The following COPG2 variants were observed in gnomAD, a reference collection of about 807,000 sequenced individuals.
COPG2 encodes the protein coat protein complex I subunit gamma 2.
In COPG2, 37 loss-of-function variants were observed where a neutral mutation model predicts 46.3. The observed-to-expected ratio is 0.80, with a 90% CI of 0.61 to 1.05. The LOEUF (loss-of-function observed/expected upper bound fraction) is 1.05. Ranked by LOEUF, COPG2 falls within the 50% of genes least tolerant of loss-of-function variation. The probability of loss-of-function intolerance (pLI) is 0.00; values close to 1 mark genes in which losing one functional copy is unlikely to be tolerated. For synonymous variants in COPG2, 159 were observed against 129.7 expected (o/e 1.23, Z -1.53); for missense variants, 427 against 387.8 (o/e 1.10, Z -0.85).
intron 20 of COPG2, among the ~76,000 whole-genome samples, chr7:130,521,792 A>G (rs1799726221): frequency 6.6e-6 from 1 of 152,254 alleles, no homozygotes; most frequent in Admixed American, 6.5e-5. Flanking sequence ...GGTCAGAAGA[A>G]CAAGAGCATA....
chr7:130,531,309 C>A (rs1799822934), intron 20 of COPG2, among the ~76,000 whole-genome samples: 1 of 151,954 alleles, frequency 6.6e-6, no homozygotes, highest in African/African-American at 2.4e-5. Context: ...CTAGGGAAGA[C>A]CCTGAATCCA....
At chr7:130,651,387 G>A (rs1225487434) in intron 5 of COPG2, among the ~76,000 whole-genome samples, 2 of 151,054 alleles carry the variant, frequency 1.3e-5, no homozygotes, top group Admixed American at 1.3e-4. Flanking sequence ...CACGATCTCG[G>A]CTCACCGCAA....
At chr7:130,620,467 A>T (rs548931730) in intron 5 of COPG2, among the ~76,000 whole-genome samples, 3 of 152,326 alleles carry the variant, frequency 2.0e-5, no homozygotes, top group African/African-American at 7.2e-5. Flanking sequence ...TGCCACAGGG[A>T]CTATTCCCAA....
chr7:130,516,992 G>A (rs1482468899), intron 20 of COPG2, among the ~76,000 whole-genome samples: 3 of 152,104 alleles, frequency 2.0e-5, no homozygotes, highest in Non-Finnish European at 4.4e-5. Context: ...CCATGGGGAG[G>A]GGAGTATCCA....
intron 9 of COPG2, among the ~76,000 whole-genome samples, chr7:130,569,688 T>A (rs1793862210): frequency 6.6e-6 from 1 of 152,042 alleles, no homozygotes; most frequent in South Asian, 2.1e-4. Context: ...AAAGAGTGAA[T>A]CCTCCTTAAA....
At chr7:130,565,674 A>G (rs1431915798) in intron 9 of COPG2, among the ~76,000 whole-genome samples, 1 of 152,238 alleles carries the variant, frequency 6.6e-6, no homozygotes, top group Non-Finnish European at 1.5e-5. Flanking sequence ...AAAGGAAACT[A>G]AAATATTTAA....
At chr7:130,532,575 G>T (rs970187211) in intron 20 of COPG2, among the ~76,000 whole-genome samples, 4 of 152,108 alleles carry the variant, frequency 2.6e-5, no homozygotes, top group African/African-American at 4.8e-5. Context: ...GGAGGAGGGT[G>T]GGGGGAGATA....
intron 9 of COPG2, among the ~76,000 whole-genome samples, chr7:130,566,975 A>G (rs994546727): frequency 9.7e-4 from 147 of 152,324 alleles, no homozygotes; most frequent in African/African-American, 3.2e-3. Flanking sequence ...ACACAATAGC[A>G]AAGACATGGA....
At chr7:130,547,335 C>T (rs1257281924) in intron 20 of COPG2, 2 of 209,042 alleles carry the variant, frequency 9.6e-6, no homozygotes, top group East Asian at 2.0e-4. Flanking sequence ...AGATTCTTCA[C>T]AGGAGACCAG....
rs1204582245 is a variant in COPG2 at position 130,551,331 on chromosome 7, T to TATCC, written c.1554_1557dup (p.Thr520GlyfsTer3). The TATCC allele has an allele frequency of 5.0e-6, 2 of 398,430 alleles. No individual in the cohort carries two copies. The highest frequency in any genetic ancestry group is 8.8e-6 in the Non-Finnish European group (2 of 226,016). The allele number at this position is 398,430 out of a possible 1,614,324, so 24.7% of individuals were successfully genotyped here. ...GCTCTGTCTCGTACCTCGTCATCAG[T>TATCC]ATCCATCATACACCTGTCCAGGGGA... On this transcript the variant is annotated frameshift_variant, in exon 16 of 24. Coordinates refer to ENST00000425248, the MANE Select transcript of COPG2 (RefSeq NM_012133.6). LOFTEE classifies it high-confidence loss of function.
chr7:130,629,338 CCATT>C (rs782130624), intron 5 of COPG2, among the ~76,000 whole-genome samples: 32 of 151,504 alleles, frequency 2.1e-4, no homozygotes, highest in Non-Finnish European at 3.8e-4. Flanking sequence ...AAAAAAATGG[CCATT>C]ATTACCTCAA....
At chr7:130,629,009 A>C (rs1228372409) in intron 5 of COPG2, among the ~76,000 whole-genome samples, 3 of 152,342 alleles carry the variant, frequency 2.0e-5, no homozygotes, top group African/African-American at 7.2e-5. Flanking sequence ...TGGACAACAG[A>C]GCAAGATGCT....
intron 20 of COPG2, among the ~76,000 whole-genome samples, chr7:130,535,573 C>A (rs1799870467): frequency 7.5e-6 from 1 of 133,880 alleles, no homozygotes; most frequent in Non-Finnish European, 1.5e-5. Context: ...AAGCCTTGAA[C>A]TTTGTTGCAC....
intron 5 of COPG2, among the ~76,000 whole-genome samples, chr7:130,647,416 C>CA (rs1396630047): frequency 2.6e-5 from 4 of 152,160 alleles, no homozygotes; most frequent in African/African-American, 9.7e-5. Context: ...ACATTTCCCA[C>CA]AAACTTTTTG....
chr7:130,563,428 G>A, intron 10 of COPG2, 92 bp from the exon 11 acceptor site: 1 of 383,350 alleles, frequency 2.6e-6, no homozygotes. Context: ...CTATAGAAAA[G>A]TTGAAGAAGT....
chr7:130,586,518 A>G (rs1395710978), intron 9 of COPG2, among the ~76,000 whole-genome samples: 4 of 152,082 alleles, frequency 2.6e-5, no homozygotes, highest in African/African-American at 9.6e-5. Context: ...GCAGGAATGC[A>G]GTGGCGCTAT....
At chr7:130,520,543 C>G (rs1799715650) in intron 20 of COPG2, among the ~76,000 whole-genome samples, 2 of 152,350 alleles carry the variant, frequency 1.3e-5, no homozygotes, top group South Asian at 4.1e-4. Context: ...CTTAGAAAAT[C>G]TGGTGCAGTG....
At chr7:130,548,659 T>C (rs1358056905) in intron 18 of COPG2, 117 bp from the exon 19 acceptor site, 2 of 387,342 alleles carry the variant, frequency 5.2e-6, no homozygotes, top group African/African-American at 2.1e-5. Context: ...TCCCAGCACT[T>C]TGGGAGGCCG....
intron 22 of COPG2, 155 bp from the exon 23 acceptor site, chr7:130,507,527 G>C: frequency 1.5e-6 from 1 of 666,074 alleles, no homozygotes; most frequent in South Asian, 1.8e-5. Flanking sequence ...ACTAGAAAAT[G>C]GCTGATCAAT....
Sources: allele counts gnomAD v4.1 joint callset (sites outside exome capture counted in the v4.1 genomes callset), GRCh38; gene constraint gnomAD v4.1.1; transcripts MANE v1.5; gene names NCBI Gene and HGNC (gene_info 2026-07-23, HGNC 2026-07-21).